Variants in ANK3 observed in about 807,000 individuals in gnomAD.
The protein encoded by ANK3 is ankyrin 3.
A neutral mutation model predicts 370.9 loss-of-function variants in ANK3; 57 were observed. The ratio of observed to expected loss-of-function variants is 0.15; its 90% CI spans 0.12 to 0.19. The LOEUF (loss-of-function observed/expected upper bound fraction) is 0.19. ANK3 is among the 10% of genes least tolerant of loss of function. The pLI, the probability that ANK3 is intolerant of heterozygous loss-of-function variation, is 1.00. For missense variants in ANK3, 4,439 were observed against 5,302.1 expected, an observed-to-expected ratio of 0.84 and a Z score of 5.06; for synonymous variants, 1,929 against 1,946.3, an observed-to-expected ratio of 0.99 and a Z score of 0.23.
At chr10:60,044,235 A>G in intron 42 of ANK3, 1 of 984,882 alleles carries the variant, frequency 1.0e-6, no homozygotes, top group Non-Finnish European at 1.2e-6. Flanking sequence ...CTAAATTCCA[A>G]GAGAAGCATG....
At chr10:60,529,392 G>A (rs1306313302) in intron 2 of ANK3, among the ~76,000 whole-genome samples, 1 of 152,150 alleles carries the variant, frequency 6.6e-6, no homozygotes, top group Non-Finnish European at 1.5e-5. Context: ...GCACATGGTG[G>A]AAGAGGCTGT....
intron 1 of ANK3, among the ~76,000 whole-genome samples, chr10:60,349,065 G>C (rs1196381433): frequency 1.1e-5 from 1 of 91,810 alleles, no homozygotes; most frequent in Non-Finnish European, 2.7e-5. Flanking sequence ...GTAACAAGAT[G>C]GGCTCATGAG....
intron 2 of ANK3, among the ~76,000 whole-genome samples, chr10:60,557,582 T>C (rs945114573): frequency 6.6e-6 from 1 of 152,160 alleles, no homozygotes; most frequent in East Asian, 1.9e-4. Context: ...ATCATGAATA[T>C]AGTTAATGCC....
chr10:60,176,997 TCATCCTCCCTACATTTCAC>T (rs1245972659), intron 18 of ANK3, among the ~76,000 whole-genome samples: 3 of 152,156 alleles, frequency 2.0e-5, no homozygotes, highest in Admixed American at 6.5e-5. Context: ...CTGTTCCAGC[TCATCCTCCCTACATTTCAC>T]CATCTCCACT....
intron 2 of ANK3, among the ~76,000 whole-genome samples, chr10:60,511,789 ATTT>A (rs5785448): frequency 1.1e-4 from 15 of 141,634 alleles, no homozygotes; most frequent in African/African-American, 3.6e-4. Flanking sequence ...GGGGAAAGGC[ATTT>A]TTTTTTTTTT....
intron 2 of ANK3, among the ~76,000 whole-genome samples, chr10:60,463,470 C>G (rs1009050290): frequency 6.6e-6 from 1 of 152,042 alleles, no homozygotes; most frequent in African/African-American, 2.4e-5. Context: ...TGTAAAGCTC[C>G]CTGTCATCTT....
chr10:60,074,965 T>C lies in ANK3; in HGVS notation c.5916A>G (p.Gly1972=). The change falls in exon 37 of 44, where the codon GGA becomes GGG. Residue 1972 remains glycine (G), a synonymous_variant. Coordinates refer to ENST00000280772, the MANE Select transcript of ANK3 (RefSeq NM_020987.5). ...LKKDVCVDNK[G]SPKSPKSDKG... is the part of the protein sequence containing the mutation. ...TGTCACTCTTTGGTGATTTGGGTGATCCTTTATTATCTACACATACATCCT... is the reference window on the plus strand; with the variant it reads ...TGTCACTCTTTGGTGATTTGGGTGACCCTTTATTATCTACACATACATCCT... The C allele has an allele frequency of 6.2e-7, 1 of 1,613,926 alleles. No homozygotes were observed. The highest frequency in any genetic ancestry group is 8.5e-7 in the Non-Finnish European group (1 of 1,179,948).
intron 1 of ANK3, among the ~76,000 whole-genome samples, chr10:60,366,150 C>T (rs543411334): frequency 1.5e-4 from 23 of 151,950 alleles, no homozygotes; most frequent in African/African-American, 5.5e-4. Flanking sequence ...CCAGCCTGGT[C>T]AACATGGTGA....
rs76624163 is a variant in ANK3, at chr10:60,468,848, A to G, written c.96+146338T>C. 3.1e-3 allele frequency among the ~76,000 whole-genome samples: 463 copies of G among 151,446 alleles called. 4 individuals are homozygous for G. Among genetic ancestry groups the G allele is most frequent in the African/African-American group, 0.011 (452 of 41,322 alleles). On this transcript the variant is annotated intron_variant, in intron 2 of 43. Coordinates refer to the ANK3 transcript ENST00000373827. ...ATAAAAGATAGGGCTAAAATGAAATACTGAGACAGACTTGTCTTTTTAATA... is the reference window on the plus strand; with the variant it reads ...ATAAAAGATAGGGCTAAAATGAAATGCTGAGACAGACTTGTCTTTTTAATA...
At chr10:60,216,213 C>T (rs1591864401) in intron 8 of ANK3, among the ~76,000 whole-genome samples, 1 of 152,136 alleles carries the variant, frequency 6.6e-6, no homozygotes, top group Admixed American at 6.6e-5. Flanking sequence ...CATCTGCAAA[C>T]AGAGATAATT....
intron 2 of ANK3, among the ~76,000 whole-genome samples, chr10:60,420,590 TA>T (rs56775041): frequency 0.02 from 2,904 of 148,674 alleles, 80 homozygotes; most frequent in African/African-American, 0.067. Flanking sequence ...GGGCATATAT[TA>T]AAAAAAAAAG....
At chr10:60,285,481 T>C (rs1196199673) in intron 1 of ANK3, among the ~76,000 whole-genome samples, 1 of 152,194 alleles carries the variant, frequency 6.6e-6, no homozygotes, top group East Asian at 1.9e-4. Context: ...TCTCCTCTTG[T>C]AATGTTTGAC....
intron 1 of ANK3, among the ~76,000 whole-genome samples, chr10:60,700,384 A>G (rs2079530037): frequency 6.6e-6 from 1 of 152,200 alleles, no homozygotes; most frequent in South Asian, 2.1e-4. Context: ...CTTTAAGGAT[A>G]GGAACGTATA....
chr10:60,263,991 C>T lies in ANK3; in HGVS notation c.543G>A (p.Leu181=). The T allele has an allele frequency of 6.2e-7, 1 of 1,614,060 alleles. No individual in the cohort carries two copies. The highest frequency in any genetic ancestry group is 1.3e-5 in the African/African-American group (1 of 75,014). ...AAACGACTTGGTCGTGACCTTGTTG[C>T]AAAGCCACTGCCAATGGTGTGAAGC... ...EDGFTPLAVA[L]QQGHDQVVSL... The change falls in exon 6 of 44, where the codon TTG becomes TTA. Residue 181 remains leucine, a synonymous_variant. Transcript: ENST00000280772.
Position 60,084,775 on chromosome 10 carries a change from G to A in ANK3, c.3901C>T (p.Leu1301=), listed in dbSNP as rs951137829. 3 of 1,597,546 alleles carry A rather than the reference G, an allele frequency of 1.9e-6. No individual in the cohort carries two copies. Reference sequence around the variant, plus strand: ...GGAACACATATCAATTCTCTGTACAGTTGCGTGGCTAACCCCACAGTTTCT... The same window carrying A: ...GGAACACATATCAATTCTCTGTACAATTGCGTGGCTAACCCCACAGTTTCT... ...VLETVGLATQ[L]YRELICVPYM... is the part of the protein sequence containing the mutation. Residue 1301 remains leucine, a synonymous_variant, in exon 32 of 44, where the codon CTG becomes TTG. Transcript: ENST00000280772.
intron 35 of ANK3, 22 bp from the exon 36 acceptor site, chr10:60,080,640 A>T: frequency 6.5e-7 from 1 of 1,534,836 alleles, no homozygotes; most frequent in Non-Finnish European, 8.8e-7. Context: ...AAAAAAAAAG[A>T]CAACTCTATT....
chr10:60,217,123 A>AT (rs1472501734), intron 8 of ANK3, among the ~76,000 whole-genome samples: 3 of 151,822 alleles, frequency 2.0e-5, no homozygotes, highest in South Asian at 4.2e-4. Flanking sequence ...CCCCTTTGTC[A>AT]TTTTTTATTG....
chr10:60,462,743 C>G (rs2064917805), intron 2 of ANK3, among the ~76,000 whole-genome samples: 1 of 151,864 alleles, frequency 6.6e-6, no homozygotes, highest in Admixed American at 6.6e-5. Context: ...AGGCCTCACC[C>G]CCCGAGATTC....
chr10:60,314,719 G>A (rs917964829), intron 1 of ANK3, among the ~76,000 whole-genome samples: 2 of 152,176 alleles, frequency 1.3e-5, no homozygotes, highest in Non-Finnish European at 2.9e-5. Flanking sequence ...TCCATTCGAG[G>A]AGGACAGCAC....
Sources: gnomAD v4.1 joint callset for allele counts (sites outside exome capture counted in the v4.1 genomes callset) on GRCh38, gnomAD v4.1.1 for gene constraint, MANE v1.5 for transcripts, NCBI Gene and HGNC (gene_info 2026-07-23, HGNC 2026-07-21) for gene names.